SNRNP200: variants seen among roughly 807,000 people sequenced by gnomAD.
The protein encoded by SNRNP200 is U5 small nuclear ribonucleoprotein 200 kDa helicase.
SNRNP200 carries 66 observed loss-of-function variants against 255.2 expected under a neutral mutation model. That is an observed-to-expected ratio of 0.26 (90% confidence interval 0.21 to 0.32). The LOEUF (loss-of-function observed/expected upper bound fraction) is 0.32, where lower values mean the gene tolerates loss of function less well. SNRNP200 is among the 10% of genes least tolerant of loss of function. The pLI, the probability that SNRNP200 is intolerant of heterozygous loss-of-function variation, is 1.00. For synonymous variants in SNRNP200, 939 were observed against 1,027.8 expected, an observed-to-expected ratio of 0.91 and a Z score of 1.65; for missense variants, 1,585 against 2,749.8, an observed-to-expected ratio of 0.58 and a Z score of 9.47.
Position 96,283,980 on chromosome 2 carries a change from G to A in SNRNP200, c.4417C>T (p.Arg1473Ter). The A allele has an allele frequency of 6.3e-7, 1 of 1,595,692 alleles. No individual in the cohort carries two copies. The highest frequency in any genetic ancestry group is 8.5e-7 in the Non-Finnish European group (1 of 1,171,470). The change falls in exon 32 of 45, where the codon CGA becomes TGA. Residue 1473 changes from arginine to a stop codon, truncating the protein, a stop_gained. Transcript: ENST00000323853. LOFTEE classifies it high-confidence loss of function. This position sits in a 1 kb window ranked among gnomAD's most constrained non-coding sequence, Gnocchi z 4.7. Reference sequence around the variant, plus strand: ...ATCTGGGAGGAGATGTAGCGCATTCGGGAGCAGATCACTTCTAAGACAGGC... The same window carrying A: ...ATCTGGGAGGAGATGTAGCGCATTCAGGAGCAGATCACTTCTAAGACAGGC... Reference protein sequence around the residue: ...NGPVLEVICSRMRYISSQIER... With the variant: ...NGPVLEVICS
Position 96,286,604 on chromosome 2 carries a change from G to A in SNRNP200, c.3829+84C>T. The A allele has an allele frequency of 6.3e-7, 1 of 1,590,340 alleles. No individual in the cohort carries two copies. Among genetic ancestry groups the A allele is most frequent in the Non-Finnish European group, 8.6e-7 (1 of 1,162,794 alleles). ...TATGTATCACTCTGTCCCCAGCAAG[G>A]GCAAGCCCGGGACAAAGTGCAAGAC... On this transcript the variant is annotated intron_variant, in intron 28 of 44. Coordinates refer to ENST00000323853, the MANE Select transcript of SNRNP200 (RefSeq NM_014014.5). This position sits in a 1 kb window ranked among gnomAD's most constrained non-coding sequence, Gnocchi z 4.8.
At position 96,278,670 on chromosome 2, in the gene SNRNP200, C is replaced by T; in HGVS notation, c.5365G>A (p.Val1789Met). The T allele has an allele frequency of 6.2e-7, 1 of 1,614,200 alleles. No individual in the cohort carries two copies. Among genetic ancestry groups the T allele is most frequent in the Non-Finnish European group, 8.5e-7 (1 of 1,180,040 alleles). The stretch of plus-strand genomic sequence containing the variant: ...TCCAGGTCACTCAGGGTCTGCTCCA[C>T]CAGCTCTGACAAGTGGTCCGACAAG... ...RHLSDHLSELVEQTLSDLEQS... is the reference protein window; with the variant it reads ...RHLSDHLSELMEQTLSDLEQS... The change falls in exon 38 of 45, where the codon GTG becomes ATG. Residue 1789 changes from valine (V) to methionine (M), a missense_variant. By Grantham distance (21) the Val-to-Met change is conservative. This residue lies in a region of SNRNP200 where 279 missense variants were observed against 551.2 expected (regional missense o/e 0.51). Coordinates refer to ENST00000323853, the MANE Select transcript of SNRNP200 (RefSeq NM_014014.5). This position sits in a 1 kb window ranked among gnomAD's most constrained non-coding sequence, Gnocchi z 6.9.
chr2:96,275,568 T>C (rs976902039), intron 43 of SNRNP200, among the ~76,000 whole-genome samples: 1 of 152,236 alleles, frequency 6.6e-6, no homozygotes, highest in Admixed American at 6.5e-5. Flanking sequence ...TTCTGGCTCA[T>C]TTCCTTGTGC....
chr2:96,279,080 A>T, intron 36 of SNRNP200, 82 bp from the exon 37 acceptor site: 1 of 1,152,724 alleles, frequency 8.7e-7, no homozygotes, highest in East Asian at 2.4e-5. Context: ...TCAACAGGGC[A>T]TGGTCCCTGT....
At chr2:96,275,381 T>C (rs372077806) in intron 43 of SNRNP200, 32 bp from the exon 44 acceptor site, 3 of 1,592,050 alleles carry the variant, frequency 1.9e-6, no homozygotes, top group Non-Finnish European at 2.6e-6. Context: ...AATTTCAGCA[T>C]GTAAAACTTG....
intron 6 of SNRNP200, 123 bp from the exon 7 acceptor site, chr2:96,299,090 A>G (rs1467268270): frequency 7.8e-7 from 1 of 1,284,436 alleles, no homozygotes; most frequent in East Asian, 2.4e-5. Context: ...GACTTTCCAG[A>G]GGAAAAAACT....
rs752450131 is a variant in SNRNP200, at chr2:96,276,981, C to T, written c.6097G>A (p.Gly2033Arg). The T allele has an allele frequency of 6.2e-6, 10 of 1,613,954 alleles. No individual in the cohort carries two copies. Among genetic ancestry groups the T allele is most frequent in the Admixed American group, 1.7e-5 (1 of 60,000 alleles). ...AGCTGCACCAGCACCACAACTGGCC[C>T]GCCACTGCAGGGGGAGAGGAGGGGC... ...VVDKDSIRSG[G>R]PVVVLVQLER... The change falls in exon 43 of 45, where the codon GGG becomes AGG. Residue 2033 changes from glycine (G) to arginine (R), a missense_variant. Gly to Arg is a moderately radical substitution (Grantham distance 125). Transcript: ENST00000323853.
chr2:96,303,111 A>C (rs753904650), intron 3 of SNRNP200, 48 bp downstream of exon 3: 11 of 1,595,012 alleles, frequency 6.9e-6, no homozygotes, highest in South Asian at 2.2e-5. Context: ...GCTGTATGCC[A>C]GAAAATGAAA....
rs549147538 is a variant in SNRNP200, at chr2:96,294,764, C to A, written c.1842+724G>T. Among the ~76,000 whole-genome samples the A allele has an allele frequency of 4.6e-5, 7 of 152,308 alleles. No homozygotes were observed. In the East Asian group the frequency reaches 5.8e-4, roughly 13 times the overall value. ...CACTCATTCCCTCAGAGAATGGATTCTTTTACTTATAAAACCCTAAATGAT... is the reference window on the plus strand; with the variant it reads ...CACTCATTCCCTCAGAGAATGGATTATTTTACTTATAAAACCCTAAATGAT... On this transcript the variant is annotated intron_variant, in intron 14 of 44. Coordinates refer to ENST00000323853, the MANE Select transcript of SNRNP200 (RefSeq NM_014014.5).
chr2:96,295,712 T>C, intron 13 of SNRNP200, 54 bp from the exon 14 acceptor site: 2 of 1,595,306 alleles, frequency 1.3e-6, no homozygotes, highest in Non-Finnish European at 8.5e-7. Flanking sequence ...CTGGACACCA[T>C]GCTTTCTGTT....
In SNRNP200 at chr2:96,286,341, AT is replaced by A; in HGVS notation, c.3972del (p.Lys1324AsnfsTer85). On this transcript the variant is annotated frameshift_variant, in exon 29 of 45. Coordinates refer to ENST00000323853, the MANE Select transcript of SNRNP200 (RefSeq NM_014014.5). LOFTEE classifies it high-confidence loss of function. The surrounding 1 kb of genome is among the most constrained non-coding windows in gnomAD (Gnocchi z 4.8). ...GTCTGGATGGGATTGAAGAAAGGAA[AT>A]TTATCTTGGTAAAGACTCTCAAAGG... is the stretch of plus-strand genomic sequence containing the variant. ...NSAFESLYQD[K>X]FPFFNPIQTQ... 1 of 1,614,110 alleles carries A rather than the reference AT, an allele frequency of 6.2e-7. No individual in the cohort carries two copies. Among genetic ancestry groups the A allele is most frequent in the Non-Finnish European group, 8.5e-7 (1 of 1,180,002 alleles).
chr2:96,277,880 A>T lies in SNRNP200; in HGVS notation c.5681T>A (p.Leu1894His). The T allele has an allele frequency of 6.2e-7, 1 of 1,614,240 alleles. No individual in the cohort carries two copies. Among genetic ancestry groups the T allele is most frequent in the Non-Finnish European group, 8.5e-7 (1 of 1,180,038 alleles). Reference sequence around the variant, plus strand: ...CATGCGAGACAAGTGAGCCTGCAGGAGCAGGTTGGTCTTGACGTGCGGATC... The same window carrying T: ...CATGCGAGACAAGTGAGCCTGCAGGTGCAGGTTGGTCTTGACGTGCGGATC... ...FNDPHVKTNLLLQAHLSRMQL... is the reference protein window; with the variant it reads ...FNDPHVKTNLHLQAHLSRMQL... Residue 1894 changes from leucine to histidine, a missense_variant, in exon 40 of 45, where the codon CTC becomes CAC. Coordinates refer to ENST00000323853, the MANE Select transcript of SNRNP200 (RefSeq NM_014014.5). The surrounding 1 kb of genome is among the most constrained non-coding windows in gnomAD (Gnocchi z 4.4).
At chr2:96,288,048 T>C in intron 24 of SNRNP200, 79 bp from the exon 25 acceptor site, 1 of 1,301,234 alleles carries the variant, frequency 7.7e-7, no homozygotes, top group Non-Finnish European at 1.1e-6. Context: ...CACGGTTTCA[T>C]TACCTCCAGC....
chr2:96,280,305 T>G (rs1684736911), intron 35 of SNRNP200, among the ~76,000 whole-genome samples: 2 of 152,222 alleles, frequency 1.3e-5, no homozygotes, highest in South Asian at 4.2e-4. Flanking sequence ...AAGACCAGCC[T>G]GGGCAACATG....
chr2:96,288,492 CTACA>C (rs2063857534), intron 24 of SNRNP200, among the ~76,000 whole-genome samples, 167 bp downstream of exon 24: 2 of 152,192 alleles, frequency 1.3e-5, no homozygotes, highest in Non-Finnish European at 2.9e-5. Flanking sequence ...AAGATGTATA[CTACA>C]GAGTGGCTGT....
chr2:96,276,692 T>C, intron 43 of SNRNP200: 1 of 650,278 alleles, frequency 1.5e-6, no homozygotes, highest in Non-Finnish European at 2.8e-6. Context: ...AGTGCTGGGA[T>C]TACAGGCGTG....
intron 16 of SNRNP200, among the ~76,000 whole-genome samples, chr2:96,292,178 G>T (rs574849310): frequency 6.6e-6 from 1 of 152,130 alleles, no homozygotes; most frequent in Non-Finnish European, 1.5e-5. Flanking sequence ...CTACAAATTC[G>T]GGCCTCTCAA....
chr2:96,294,338 T>C (rs2063903669), intron 14 of SNRNP200, among the ~76,000 whole-genome samples: 1 of 151,906 alleles, frequency 6.6e-6, no homozygotes, highest in Admixed American at 6.6e-5. Context: ...CTCGGGAGAC[T>C]GAGGCAGGAG....
At position 96,283,634 on chromosome 2, in the gene SNRNP200, G is replaced by T; in HGVS notation, c.4664C>A (p.Pro1555His). The T allele has an allele frequency of 6.2e-7, 1 of 1,614,152 alleles. No individual in the cohort carries two copies. The highest frequency in any genetic ancestry group is 8.5e-7 in the Non-Finnish European group (1 of 1,180,042). The change falls in exon 33 of 45, where the codon CCC (proline) becomes CAC (histidine). Residue 1555 changes from proline to histidine, a missense_variant. Around this residue, in one of 9 missense-constraint regions of SNRNP200, gnomAD observed 719 missense variants for 1,091.1 expected, o/e 0.66. Transcript: ENST00000323853. This position sits in a 1 kb window ranked among gnomAD's most constrained non-coding sequence, Gnocchi z 4.7. ...PVYHAITKHSPKKPVIVFVPS... is the reference protein window; with the variant it reads ...PVYHAITKHSHKKPVIVFVPS... The stretch of plus-strand genomic sequence containing the variant: ...CACAAAGACAATGACAGGCTTCTTG[G>T]GCGAGTGCTTGGTGATAGCATGGTA...
Sources: gnomAD v4.1 joint callset for allele counts (sites outside exome capture counted in the v4.1 genomes callset) on GRCh38, gnomAD v4.1.1 for gene constraint, gnomAD v4.1.1 regional missense constraint, Gnocchi (gnomAD v3.1) non-coding constraint, MANE v1.5 for transcripts, NCBI Gene and HGNC (gene_info 2026-07-23, HGNC 2026-07-21) for gene names.